AKAP13: variants seen among roughly 807,000 people sequenced by gnomAD.
The protein encoded by AKAP13 is A-kinase anchoring protein 13.
AKAP13 carries 80 observed loss-of-function variants against 264.5 expected under a neutral mutation model. That is an observed-to-expected ratio of 0.30 (90% CI 0.25 to 0.36). AKAP13 has a LOEUF of 0.36. Ranked by LOEUF, AKAP13 falls within the 10% of genes least tolerant of loss-of-function variation. The pLI is 1.00. For missense variants in AKAP13, 3,712 were observed against 3,435.2 expected (o/e 1.08, Z -2.01); for synonymous variants, 1,380 against 1,250.2 (o/e 1.10, Z -2.19).
At chr15:85,547,174 A>G (rs981639426) in intron 5 of AKAP13, among the ~76,000 whole-genome samples, 2 of 152,218 alleles carry the variant, frequency 1.3e-5, no homozygotes, top group Admixed American at 6.5e-5. Flanking sequence ...ATGGCTATGT[A>G]TATTTTACAT....
intron 16 of AKAP13, chr15:85,685,319 TA>T (rs2084838227): frequency 6.6e-6 from 1 of 152,648 alleles, no homozygotes; most frequent in African/African-American, 2.4e-5. Flanking sequence ...AAAATATTTA[TA>T]TTTGGCTTTA....
At chr15:85,663,457 C>T (rs984960619) in intron 12 of AKAP13, among the ~76,000 whole-genome samples, 10 of 152,000 alleles carry the variant, frequency 6.6e-5, no homozygotes, top group Non-Finnish European at 1.5e-4. Context: ...GGCTTCAGTT[C>T]GTTAAGTTAT....
intron 1 of AKAP13, among the ~76,000 whole-genome samples, chr15:85,428,455 T>C (rs1205425264): frequency 1.3e-5 from 2 of 152,240 alleles, no homozygotes; most frequent in Non-Finnish European, 2.9e-5. Context: ...TGCCTCGGCC[T>C]CCCAAAGTGC....
At chr15:85,510,221 G>C (rs193124057) in intron 2 of AKAP13, among the ~76,000 whole-genome samples, 1 of 152,354 alleles carries the variant, frequency 6.6e-6, no homozygotes, top group African/African-American at 2.4e-5. Flanking sequence ...TAAGCTTTCA[G>C]AGAGTATGCG....
At chr15:85,607,543 C>G (rs1020028779) in intron 8 of AKAP13, among the ~76,000 whole-genome samples, 2 of 152,032 alleles carry the variant, frequency 1.3e-5, no homozygotes, top group African/African-American at 4.8e-5. Flanking sequence ...TTAAAACTTG[C>G]GTAAGGCAGC....
At chr15:85,627,965 CT>C (rs2081507910) in intron 8 of AKAP13, among the ~76,000 whole-genome samples, 1 of 152,220 alleles carries the variant, frequency 6.6e-6, no homozygotes, top group Admixed American at 6.5e-5. Flanking sequence ...TATACCAACG[CT>C]TTTGTTGAGC....
intron 12 of AKAP13, among the ~76,000 whole-genome samples, chr15:85,663,089 C>A (rs916158637): frequency 2.6e-5 from 4 of 152,154 alleles, no homozygotes; most frequent in Admixed American, 1.3e-4. Flanking sequence ...GTGGGCGGAT[C>A]ACCTGAGGTC....
intron 30 of AKAP13, among the ~76,000 whole-genome samples, chr15:85,732,394 G>A (rs901640115): frequency 6.6e-6 from 1 of 151,346 alleles, no homozygotes; most frequent in African/African-American, 2.4e-5. Context: ...ACTAGGTTGG[G>A]CCTTTTCAGT....
chr15:85,684,164 T>G (rs1234598687), intron 15 of AKAP13, among the ~76,000 whole-genome samples: 2 of 152,102 alleles, frequency 1.3e-5, no homozygotes, highest in East Asian at 3.8e-4. Flanking sequence ...TACAAAGGAG[T>G]TTGTAGATTG....
chr15:85,669,656 TTTATGC>T, intron 13 of AKAP13, 60 bp from the exon 14 acceptor site: 1 of 1,249,588 alleles, frequency 8.0e-7, no homozygotes, highest in Non-Finnish European at 1.2e-6. Context: ...ATTATAAGGT[TTTATGC>T]TTATCTAGAA....
chr15:85,702,568 A>C (rs1473997650), intron 17 of AKAP13: 2 of 152,226 alleles, frequency 1.3e-5, no homozygotes, highest in African/African-American at 2.4e-5. Flanking sequence ...CTTAGGAGAC[A>C]GTGGCTTCCC....
intron 1 of AKAP13, among the ~76,000 whole-genome samples, chr15:85,407,194 A>G (rs2071709125): frequency 6.6e-6 from 1 of 150,782 alleles, no homozygotes; most frequent in Non-Finnish European, 1.5e-5. Context: ...TAAGGAACAC[A>G]GATGAGGGAT....
Position 85,655,724 on chromosome 15 carries a change from T to C in AKAP13, c.4682T>C (p.Phe1561Ser). The C allele has an allele frequency of 6.2e-7, 1 of 1,613,738 alleles. No homozygotes were observed. The highest frequency in any genetic ancestry group is 8.5e-7 in the Non-Finnish European group (1 of 1,179,706). ...LRSSMRSLSP[F>S]RRHSWGPGKN... ...AGCTCCATGCGCTCTCTTTCTCCCT[T>C]CCGGAGGCACAGCTGGGGGCCTGGG... Residue 1561 changes from phenylalanine to serine, a missense_variant, in exon 11 of 37, where the codon TTC becomes TCC. Transcript: ENST00000394518.
Position 85,719,135 on chromosome 15 carries a change from A to C in AKAP13, c.6061A>C (p.Ser2021Arg). 6.2e-7 allele frequency: 1 copy of C among 1,614,188 alleles called. No individual in the cohort carries two copies. Among genetic ancestry groups the C allele is most frequent in the African/African-American group, 1.3e-5 (1 of 75,046 alleles). Residue 2021 changes from serine (S) to arginine (R), a missense_variant, in exon 23 of 37, where the codon AGC becomes CGC. By Grantham distance (110) the Ser-to-Arg change is moderately radical. Around this residue, in one of 3 missense-constraint regions of AKAP13, gnomAD observed 342 missense variants for 484.3 expected, o/e 0.71. Coordinates refer to ENST00000394518, the MANE Select transcript of AKAP13 (RefSeq NM_007200.5). ...TCTCAAGATCATGAGTGGTGTGTAC[A>C]GCCAGGGGATGATGGCGGATCTGCT... ...RTLKIMSGVYSQGMMADLLFE... is the reference protein window; with the variant it reads ...RTLKIMSGVYRQGMMADLLFE...
Position 85,747,766 on chromosome 15 carries a change from A to C in AKAP13, c.*3089A>C, listed in dbSNP as rs1313694476. On this transcript the variant is annotated 3_prime_UTR_variant, in exon 37 of 37. Transcript: ENST00000394518. The stretch of plus-strand genomic sequence containing the variant: ...CCAGTATTCCCTCTACCCCCGTGAG[A>C]GCTATCTGGGGGGAAGAATCCTTAC... 6.6e-6 allele frequency: 1 copy of C among 152,638 alleles called. No individual in the cohort carries two copies. Among genetic ancestry groups the C allele is most frequent in the East Asian group, 1.9e-4 (1 of 5,192 alleles). The allele number at this position is 152,638 out of a possible 1,614,324, so 9.5% of individuals were successfully genotyped here.
chr15:85,585,126 T>C (rs2079286492), intron 7 of AKAP13, among the ~76,000 whole-genome samples: 2 of 152,174 alleles, frequency 1.3e-5, no homozygotes, highest in Admixed American at 6.5e-5. Flanking sequence ...AGTCTGTGAT[T>C]AGGTTTCAGT....
chr15:85,673,847 G>A (rs1174772919), intron 14 of AKAP13, among the ~76,000 whole-genome samples: 2 of 133,768 alleles, frequency 1.5e-5, no homozygotes, highest in East Asian at 2.3e-4. Context: ...CACCACACCC[G>A]GCTAATTTTT....
At chr15:85,636,428 T>C (rs1308793635) in intron 8 of AKAP13, among the ~76,000 whole-genome samples, 2 of 152,222 alleles carry the variant, frequency 1.3e-5, no homozygotes, top group Non-Finnish European at 2.9e-5. Flanking sequence ...CAGAATATTG[T>C]TGAATAAAAG....
At chr15:85,528,175 G>C (rs893211302) in intron 3 of AKAP13, among the ~76,000 whole-genome samples, 2 of 152,164 alleles carry the variant, frequency 1.3e-5, no homozygotes, top group African/African-American at 4.8e-5. Context: ...TAGTGAGAAG[G>C]AGCCTGCAGG....
Sources: gnomAD v4.1 joint callset for allele counts (sites outside exome capture counted in the v4.1 genomes callset) on GRCh38, gnomAD v4.1.1 for gene constraint, gnomAD v4.1.1 regional missense constraint, MANE v1.5 for transcripts, NCBI Gene and HGNC (gene_info 2026-07-23, HGNC 2026-07-21) for gene names.